The following PLCL1 variants were observed in gnomAD, a reference collection of about 807,000 sequenced individuals.
PLCL1 encodes phospholipase C like 1 (inactive), also known as inactive phospholipase C-like protein 1.
PLCL1 carries 41 observed loss-of-function variants against 84.4 expected under a neutral mutation model. The observed-to-expected ratio is 0.49, with a 90% CI of 0.38 to 0.63. The LOEUF is 0.63. Among genes scored for constraint, PLCL1 ranks in the 30% least tolerant of loss-of-function variants. The pLI is 0.00. For missense variants in PLCL1, 1,206 were observed against 1,367.8 expected, an observed-to-expected ratio of 0.88 and a Z score of 1.87; for synonymous variants, 490 against 488.3, an observed-to-expected ratio of 1.00 and a Z score of -0.05.
At chr2:197,907,820 G>A (rs1005548640) in intron 1 of PLCL1, among the ~76,000 whole-genome samples, 2 of 152,142 alleles carry the variant, frequency 1.3e-5, no homozygotes, top group Admixed American at 1.3e-4. Flanking sequence ...TCACCTGAGA[G>A]CTAAACTGCT....
At chr2:197,884,487 T>G (rs1194788373) in intron 1 of PLCL1, among the ~76,000 whole-genome samples, 1 of 152,204 alleles carries the variant, frequency 6.6e-6, no homozygotes, top group African/African-American at 2.4e-5. Flanking sequence ...GTCTTTTAGC[T>G]GGAATAAAAA....
chr2:198,097,810 C>T (rs1310097992), intron 3 of PLCL1, among the ~76,000 whole-genome samples: 1 of 152,182 alleles, frequency 6.6e-6, no homozygotes, highest in Admixed American at 6.5e-5. Context: ...CTGTTGCATA[C>T]ACCAAAGGCA....
intron 1 of PLCL1, among the ~76,000 whole-genome samples, chr2:197,834,111 T>C (rs553701922): frequency 6.6e-6 from 1 of 152,332 alleles, no homozygotes; most frequent in Admixed American, 6.5e-5. Flanking sequence ...TGGCTCGCCA[T>C]ATGCAGAAAA....
At chr2:197,961,769 G>T (rs1166121874) in intron 1 of PLCL1, among the ~76,000 whole-genome samples, 1 of 151,952 alleles carries the variant, frequency 6.6e-6, no homozygotes. Flanking sequence ...GACCTTAGGG[G>T]TTGTTTTGAT....
chr2:197,939,648 A>G (rs1353534834), intron 1 of PLCL1, among the ~76,000 whole-genome samples: 1 of 146,864 alleles, frequency 6.8e-6, no homozygotes, highest in Non-Finnish European at 1.5e-5. Context: ...ACCTCTTTTT[A>G]CCTTTTTACA....
intron 1 of PLCL1, among the ~76,000 whole-genome samples, chr2:198,070,079 G>A (rs966516046): frequency 6.6e-6 from 1 of 152,068 alleles, no homozygotes; most frequent in African/African-American, 2.4e-5. Flanking sequence ...TTCACCTGAT[G>A]GAGAGCTTTT....
At chr2:198,003,250 T>C (rs960504873) in intron 1 of PLCL1, among the ~76,000 whole-genome samples, 4 of 152,184 alleles carry the variant, frequency 2.6e-5, no homozygotes, top group Non-Finnish European at 5.9e-5. Context: ...TTTTTTAATA[T>C]CTTAAAAAAC....
chr2:197,900,705 A>C (rs1025649424), intron 1 of PLCL1, among the ~76,000 whole-genome samples: 1 of 152,148 alleles, frequency 6.6e-6, no homozygotes, highest in Non-Finnish European at 1.5e-5. Flanking sequence ...AGTTGTTTTC[A>C]CTCAACTAAT....
At chr2:197,837,996 CTG>C (rs1400246607) in intron 1 of PLCL1, among the ~76,000 whole-genome samples, 1 of 151,862 alleles carries the variant, frequency 6.6e-6, no homozygotes, top group Non-Finnish European at 1.5e-5. Context: ...TTGAATTCAG[CTG>C]TGTGTTTAAT....
At chr2:198,096,526 A>G (rs894310507) in intron 3 of PLCL1, among the ~76,000 whole-genome samples, 6 of 152,190 alleles carry the variant, frequency 3.9e-5, no homozygotes, top group African/African-American at 1.2e-4. Context: ...AATATCTTAA[A>G]TATATCATTC....
intron 1 of PLCL1, among the ~76,000 whole-genome samples, chr2:197,879,642 G>A (rs9288281): frequency 0.52 from 78,327 of 151,964 alleles, 21,099 homozygotes; most frequent in African/African-American, 0.66. Flanking sequence ...TTGTGAGGCT[G>A]TAAATTTCTA....
intron 1 of PLCL1, among the ~76,000 whole-genome samples, chr2:197,976,466 T>C (rs1422477850): frequency 1.3e-5 from 2 of 152,180 alleles, no homozygotes; most frequent in African/African-American, 4.8e-5. Context: ...TCCCTTTTTC[T>C]TTCTCAGAGT....
intron 5 of PLCL1, among the ~76,000 whole-genome samples, chr2:198,138,209 G>A (rs193119636): frequency 2.0e-5 from 3 of 152,192 alleles, no homozygotes; most frequent in East Asian, 1.9e-4. Flanking sequence ...AGTCCTTCAC[G>A]CTGTACAGGA....
chr2:197,999,720 A>C (rs1690555191), intron 1 of PLCL1, among the ~76,000 whole-genome samples: 3 of 152,228 alleles, frequency 2.0e-5, no homozygotes, highest in Admixed American at 2.0e-4. Context: ...GCCTTAGTGC[A>C]GATTCTGGAA....
At chr2:198,071,098 GCA>G (rs56759346) in intron 1 of PLCL1, 33,400 of 147,402 alleles carry the variant, frequency 0.23, 4,218 homozygotes, top group East Asian at 0.44. Flanking sequence ...TTTTAAGTAT[GCA>G]CACACACACA....
chr2:197,965,334 C>T (rs747153131), intron 1 of PLCL1, among the ~76,000 whole-genome samples: 1 of 151,978 alleles, frequency 6.6e-6, no homozygotes, highest in Non-Finnish European at 1.5e-5. Flanking sequence ...CTAGGTTTTC[C>T]AATTTATTGG....
intron 1 of PLCL1, among the ~76,000 whole-genome samples, chr2:197,932,086 T>A (rs1471244207): frequency 6.6e-6 from 1 of 152,190 alleles, no homozygotes; most frequent in African/African-American, 2.4e-5. Flanking sequence ...GTTTTAGGCT[T>A]CTGTGATCTT....
chr2:198,074,299 A>G (rs1374565083), intron 1 of PLCL1, among the ~76,000 whole-genome samples: 1 of 152,132 alleles, frequency 6.6e-6, no homozygotes, highest in Admixed American at 6.6e-5. Flanking sequence ...ACTGTAAATG[A>G]TTTTCTTATT....
rs544119899 is a variant in PLCL1 at position 198,125,806 on chromosome 2, G to A, written c.3106-20974G>A. ...CTAGTACTAAAACATCCTCTGGCAG[G>A]TGTCAGCCTGGGTGTGTGAACAAAA... On this transcript the variant is annotated intron_variant, in intron 5 of 5. Coordinates refer to ENST00000428675, the MANE Select transcript of PLCL1 (RefSeq NM_006226.4). Among the ~76,000 whole-genome samples, 11 of 152,204 alleles carry A rather than the reference G, an allele frequency of 7.2e-5. No homozygotes were observed. The South Asian group carries it at 2.3e-3, about 32-fold the overall frequency.
Sources: gnomAD v4.1 joint callset for allele counts (sites outside exome capture counted in the v4.1 genomes callset) on GRCh38, gnomAD v4.1.1 for gene constraint, MANE v1.5 for transcripts, NCBI Gene and HGNC (gene_info 2026-07-23, HGNC 2026-07-21) for gene names.